ASB3: variants seen among roughly 807,000 people sequenced by gnomAD.
ASB3 encodes ankyrin repeat and SOCS box containing 3, also known as ankyrin repeat and SOCS box protein 3.
A neutral mutation model predicts 54.5 loss-of-function variants in ASB3; 41 were observed. The ratio of observed to expected loss-of-function variants is 0.75; its 90% CI spans 0.59 to 0.98. The LOEUF (loss-of-function observed/expected upper bound fraction) is 0.98. Among genes scored for constraint, ASB3 ranks in the 50% least tolerant of loss-of-function variants. The pLI is 0.00. For synonymous variants in ASB3, 266 were observed against 221.2 expected (o/e 1.20, Z -1.80); for missense variants, 733 against 620.0 (o/e 1.18, Z -1.94).
intron 1 of ASB3, among the ~76,000 whole-genome samples, chr2:53,778,563 G>A (rs935376034): frequency 6.6e-6 from 1 of 151,984 alleles, no homozygotes; most frequent in African/African-American, 2.4e-5. Context: ...TCCAACCCTG[G>A]TAACCACTGT....
intron 9 of ASB3, among the ~76,000 whole-genome samples, chr2:53,685,124 G>A (rs1293932129): frequency 1.3e-5 from 2 of 152,178 alleles, no homozygotes; most frequent in Non-Finnish European, 2.9e-5. Context: ...TACTCTGGGA[G>A]AAATCGAGTT....
intron 2 of ASB3, among the ~76,000 whole-genome samples, chr2:53,764,224 G>A (rs745704692): frequency 6.6e-5 from 10 of 152,114 alleles, no homozygotes; most frequent in Non-Finnish European, 1.2e-4. Context: ...CACGATCAAT[G>A]AAATGAAATT....
intron 2 of ASB3, among the ~76,000 whole-genome samples, chr2:53,751,803 T>A (rs1320627293): frequency 6.6e-6 from 1 of 152,192 alleles, no homozygotes; most frequent in Non-Finnish European, 1.5e-5. Context: ...AGCCATGATA[T>A]CCCAGTAACA....
chr2:53,706,394 G>A (rs1669772186), intron 7 of ASB3, among the ~76,000 whole-genome samples: 1 of 152,090 alleles, frequency 6.6e-6, no homozygotes, highest in Non-Finnish European at 1.5e-5. Flanking sequence ...GAAGAAGCAG[G>A]TATGTAAACA....
intron 3 of ASB3, among the ~76,000 whole-genome samples, chr2:53,735,998 T>TA (rs201138986): frequency 0.12 from 11,840 of 96,106 alleles, 803 homozygotes; most frequent in East Asian, 0.32. Context: ...ACAAACCTTC[T>TA]AAAAAAAAAA....
chr2:53,673,722 T>G (rs1477067202), intron 9 of ASB3, among the ~76,000 whole-genome samples: 1 of 152,166 alleles, frequency 6.6e-6, no homozygotes, highest in Non-Finnish European at 1.5e-5. Context: ...TCCAACATCT[T>G]CTAAACCACT....
intron 9 of ASB3, among the ~76,000 whole-genome samples, chr2:53,675,630 T>C (rs1481755134): frequency 1.3e-5 from 2 of 152,210 alleles, no homozygotes; most frequent in Admixed American, 1.3e-4. Flanking sequence ...AAAGTTATTG[T>C]CAAAATTCAT....
intron 1 of ASB3, chr2:53,767,926 G>A: frequency 1.9e-6 from 3 of 1,613,968 alleles, no homozygotes; most frequent in Non-Finnish European, 2.5e-6. Context: ...CTGGAAGGTG[G>A]ATTTCCCCTA....
chr2:53,733,182 A>G (rs1289195734), intron 3 of ASB3, among the ~76,000 whole-genome samples: 4 of 152,210 alleles, frequency 2.6e-5, no homozygotes, highest in Non-Finnish European at 5.9e-5. Context: ...GAAGGATATC[A>G]AAGTATAAAA....
At chr2:53,771,516 A>T (rs1051828821) in intron 1 of ASB3, among the ~76,000 whole-genome samples, 1 of 152,176 alleles carries the variant, frequency 6.6e-6, no homozygotes, top group Non-Finnish European at 1.5e-5. Context: ...TCCGTCTCAA[A>T]AAATAAATAA....
chr2:53,782,387 T>C (rs1438101699), intron 1 of ASB3, among the ~76,000 whole-genome samples: 1 of 152,060 alleles, frequency 6.6e-6, no homozygotes, highest in Non-Finnish European at 1.5e-5. Flanking sequence ...ATGAGAAGGC[T>C]ATAGCAATGT....
At chr2:53,749,759 CA>C (rs1448741271) in intron 3 of ASB3, among the ~76,000 whole-genome samples, 1 of 151,874 alleles carries the variant, frequency 6.6e-6, no homozygotes, top group African/African-American at 2.4e-5. Context: ...CAGTCACTGT[CA>C]GGGGTGGAGC....
intron 5 of ASB3, among the ~76,000 whole-genome samples, chr2:53,718,064 A>G (rs1392378078): frequency 6.6e-6 from 1 of 152,224 alleles, no homozygotes; most frequent in African/African-American, 2.4e-5. Context: ...TCTATGAATT[A>G]TTGGTATTCC....
At chr2:53,732,576 T>G (rs1337543588) in intron 3 of ASB3, among the ~76,000 whole-genome samples, 1 of 152,224 alleles carries the variant, frequency 6.6e-6, no homozygotes, top group Non-Finnish European at 1.5e-5. Flanking sequence ...AAATGTGTTT[T>G]GATTATTAAA....
intron 6 of ASB3, among the ~76,000 whole-genome samples, chr2:53,715,826 C>T (rs1297130266): frequency 6.6e-6 from 1 of 151,958 alleles, no homozygotes; most frequent in African/African-American, 2.4e-5. Context: ...TGTAAACAAA[C>T]TAAATTAAGT....
chr2:53,688,656 T>C (rs1404417256), intron 9 of ASB3, among the ~76,000 whole-genome samples: 1 of 152,136 alleles, frequency 6.6e-6, no homozygotes, highest in Admixed American at 6.5e-5. Context: ...TAGAAAGTGA[T>C]GGAGGCTCTC....
intron 5 of ASB3, among the ~76,000 whole-genome samples, chr2:53,724,023 G>T (rs535161218): frequency 9.9e-5 from 15 of 152,158 alleles, no homozygotes; most frequent in African/African-American, 3.4e-4. Context: ...CTGGACATCG[G>T]CCCTGAGAAA....
intron 2 of ASB3, among the ~76,000 whole-genome samples, chr2:53,765,152 G>C (rs1028505284): frequency 4.6e-5 from 7 of 152,128 alleles, no homozygotes; most frequent in African/African-American, 1.7e-4. Context: ...TCAATAAAAA[G>C]AGGCCAGACA....
At chr2:53,747,868 T>A (rs1029749059) in intron 3 of ASB3, among the ~76,000 whole-genome samples, 3 of 152,208 alleles carry the variant, frequency 2.0e-5, no homozygotes, top group Non-Finnish European at 4.4e-5. Context: ...ACATATGTAA[T>A]GTCTTCATGT....
Sources: allele counts gnomAD v4.1 joint callset (sites outside exome capture counted in the v4.1 genomes callset), GRCh38; gene constraint gnomAD v4.1.1; transcripts MANE v1.5; gene names NCBI Gene and HGNC (gene_info 2026-07-23, HGNC 2026-07-21).